Variants in TBC1D5 observed in about 807,000 individuals in gnomAD.
TBC1D5 encodes TBC1 domain family, member 5.
TBC1D5 carries 75 observed loss-of-function variants against 100.3 expected under a neutral mutation model. The ratio of observed to expected loss-of-function variants is 0.75; its 90% CI spans 0.62 to 0.91. The LOEUF (loss-of-function observed/expected upper bound fraction) is 0.91, where lower values mean the gene tolerates loss of function less well. TBC1D5 is among the 40% of genes least tolerant of loss of function. The pLI is 0.00. For missense variants in TBC1D5, 910 were observed against 942.4 expected (o/e 0.97, Z 0.45); for synonymous variants, 323 against 325.6 (o/e 0.99, Z 0.09).
chr3:17,636,955 CCTTAG>C (rs1324713363), intron 1 of TBC1D5, among the ~76,000 whole-genome samples: 1 of 151,950 alleles, frequency 6.6e-6, no homozygotes, highest in Non-Finnish European at 1.5e-5. Context: ...CTAGATCTCT[CCTTAG>C]CTTCTTATAC....
At chr3:17,479,045 T>C (rs1049513397) in intron 3 of TBC1D5, among the ~76,000 whole-genome samples, 2 of 152,264 alleles carry the variant, frequency 1.3e-5, no homozygotes, top group African/African-American at 2.4e-5. Context: ...GAAATATTAA[T>C]GCTTGGTAAA....
chr3:17,247,144 C>T (rs2076804637), intron 16 of TBC1D5, among the ~76,000 whole-genome samples: 1 of 152,122 alleles, frequency 6.6e-6, no homozygotes, highest in African/African-American at 2.4e-5. Context: ...GTAAAAAATC[C>T]TGGGGGACAC....
chr3:17,609,686 A>G (rs1480801300), intron 2 of TBC1D5, among the ~76,000 whole-genome samples: 3 of 152,154 alleles, frequency 2.0e-5, no homozygotes, highest in African/African-American at 7.2e-5. Context: ...CCAAATTTTT[A>G]TCTATAGTTC....
intron 9 of TBC1D5, among the ~76,000 whole-genome samples, chr3:17,378,795 T>C (rs891576615): frequency 6.6e-6 from 1 of 151,402 alleles, no homozygotes; most frequent in East Asian, 1.9e-4. Flanking sequence ...AATTCTTCAC[T>C]TAACTGATAT....
At chr3:17,437,781 G>A (rs1161821624) in intron 3 of TBC1D5, among the ~76,000 whole-genome samples, 3 of 151,926 alleles carry the variant, frequency 2.0e-5, no homozygotes, top group Admixed American at 2.0e-4. Context: ...CACTTTAAAG[G>A]GTTCCCTAGA....
chr3:17,398,390 T>G (rs1288248360), intron 8 of TBC1D5, among the ~76,000 whole-genome samples: 1 of 152,132 alleles, frequency 6.6e-6, no homozygotes, highest in Non-Finnish European at 1.5e-5. Flanking sequence ...CGTATCCAGA[T>G]CAAATAAATT....
intron 1 of TBC1D5, among the ~76,000 whole-genome samples, chr3:17,634,311 T>C (rs2063725257): frequency 6.6e-6 from 1 of 152,196 alleles, no homozygotes. Flanking sequence ...AGCCAAGATT[T>C]AGAAGTAACC....
chr3:17,382,549 A>C (rs2092988934), intron 9 of TBC1D5, among the ~76,000 whole-genome samples: 1 of 144,328 alleles, frequency 6.9e-6, no homozygotes, highest in African/African-American at 2.7e-5. Flanking sequence ...TTCTTGCTTT[A>C]TATCCTTGAA....
intron 1 of TBC1D5, among the ~76,000 whole-genome samples, chr3:17,644,539 A>G (rs955610261): frequency 2.0e-5 from 3 of 152,144 alleles, no homozygotes; most frequent in African/African-American, 7.2e-5. Context: ...AGTACTGACA[A>G]CAATCCATAA....
At chr3:17,614,873 A>G (rs939493296) in intron 2 of TBC1D5, among the ~76,000 whole-genome samples, 23 of 152,170 alleles carry the variant, frequency 1.5e-4, no homozygotes, top group African/African-American at 5.5e-4. Context: ...AATATCCTTT[A>G]TTTCTTTCTC....
At chr3:17,231,257 A>G (rs1025309352) in intron 17 of TBC1D5, among the ~76,000 whole-genome samples, 5 of 152,190 alleles carry the variant, frequency 3.3e-5, no homozygotes, top group Non-Finnish European at 5.9e-5. Flanking sequence ...TTCTAAAACT[A>G]ATTTTGAAGA....
intron 15 of TBC1D5, among the ~76,000 whole-genome samples, chr3:17,280,626 G>T (rs1196217918): frequency 6.6e-6 from 1 of 152,092 alleles, no homozygotes; most frequent in Non-Finnish European, 1.5e-5. Flanking sequence ...GGACTCCAGG[G>T]GAAGATCATC....
At chr3:17,276,409 T>TG (rs1163376521) in intron 15 of TBC1D5, among the ~76,000 whole-genome samples, 6 of 152,096 alleles carry the variant, frequency 3.9e-5, no homozygotes, top group Non-Finnish European at 8.8e-5. Flanking sequence ...CAAAAGTGAA[T>TG]GGGATCAACA....
intron 13 of TBC1D5, among the ~76,000 whole-genome samples, chr3:17,324,401 G>A (rs931300929): frequency 1.3e-5 from 2 of 152,300 alleles, no homozygotes; most frequent in South Asian, 2.1e-4. Flanking sequence ...TAGCACTTTG[G>A]GAGGCCGCGG....
chr3:17,623,478 G>T (rs896589051), intron 2 of TBC1D5, among the ~76,000 whole-genome samples: 1 of 152,150 alleles, frequency 6.6e-6, no homozygotes, highest in Non-Finnish European at 1.5e-5. Context: ...CCTATTATCT[G>T]CTGATGATTA....
intron 14 of TBC1D5, 86 bp downstream of exon 14, chr3:17,307,906 T>A (rs2083559857): frequency 6.5e-7 from 1 of 1,528,328 alleles, no homozygotes; most frequent in Non-Finnish European, 8.8e-7. Context: ...AATCAAATAA[T>A]AAAACACAAA....
chr3:17,381,076 T>C (rs1230123215), intron 9 of TBC1D5, among the ~76,000 whole-genome samples: 1 of 152,010 alleles, frequency 6.6e-6, no homozygotes, highest in Non-Finnish European at 1.5e-5. Context: ...GTACAGGGAG[T>C]AATTAAATAT....
At chr3:17,295,953 G>A (rs893438852) in intron 14 of TBC1D5, among the ~76,000 whole-genome samples, 1 of 152,088 alleles carries the variant, frequency 6.6e-6, no homozygotes, top group Non-Finnish European at 1.5e-5. Flanking sequence ...GCACAGCCAA[G>A]GCCACAGAGA....
chr3:17,537,225 C>T (rs2096291165), intron 2 of TBC1D5, among the ~76,000 whole-genome samples: 3 of 152,202 alleles, frequency 2.0e-5, no homozygotes, highest in Non-Finnish European at 4.4e-5. Flanking sequence ...AAGTAAGCCA[C>T]ATTACACTGG....
Sources: gnomAD v4.1 joint callset for allele counts (sites outside exome capture counted in the v4.1 genomes callset) on GRCh38, gnomAD v4.1.1 for gene constraint, MANE v1.5 for transcripts, NCBI Gene and HGNC (gene_info 2026-07-23, HGNC 2026-07-21) for gene names.